ANKHD1: variants seen among roughly 807,000 people sequenced by gnomAD.
ANKHD1 encodes the protein ankyrin repeat and KH domain containing 1, also known as ankyrin repeat and KH domain-containing protein 1.
Under a neutral mutation model 230.5 loss-of-function variants are expected in ANKHD1, and 31 were observed. The ratio of observed to expected loss-of-function variants is 0.13; its 90% confidence interval spans 0.10 to 0.18. The LOEUF is 0.18. Among genes scored for constraint, ANKHD1 ranks in the 10% least tolerant of loss-of-function variants. ANKHD1 has a pLI of 1.00. For synonymous variants in ANKHD1, 1,074 were observed against 1,117.6 expected (o/e 0.96, Z 0.78); for missense variants, 2,256 against 3,071.3 (o/e 0.73, Z 6.27).
chr5:140,521,683 A>C (rs961921798), intron 24 of ANKHD1, among the ~76,000 whole-genome samples: 1 of 152,174 alleles, frequency 6.6e-6, no homozygotes, highest in East Asian at 1.9e-4. Context: ...ACCCATGTAA[A>C]GTTACATAAT....
chr5:140,458,160 A>AT (rs1329046421), intron 7 of ANKHD1, among the ~76,000 whole-genome samples: 1 of 152,072 alleles, frequency 6.6e-6, no homozygotes, highest in Non-Finnish European at 1.5e-5. Flanking sequence ...TTGTTGTGTT[A>AT]TTTTTTGCCA....
intron 1 of ANKHD1, among the ~76,000 whole-genome samples, chr5:140,403,526 C>G (rs1770165254): frequency 6.6e-6 from 1 of 152,118 alleles, no homozygotes; most frequent in African/African-American, 2.4e-5. Context: ...ATTCCCCTGC[C>G]TTAGCCTCCT....
chr5:140,506,514 A>C lies in ANKHD1; in HGVS notation c.3409-321A>C, dbSNP rs1354772732. ...TTGCCCTTAAAGCCAAATAAAAATT[A>C]TCTTAATCCTTACATTTATTCGGAT... On this transcript the variant is annotated intron_variant, in intron 18 of 33. Transcript: ENST00000360839. The surrounding 1 kb of genome is among the most constrained non-coding windows in gnomAD (Gnocchi z 4.7). 6.6e-6 allele frequency among the ~76,000 whole-genome samples: 1 copy of C among 152,250 alleles called. No homozygotes were observed. The highest frequency in any genetic ancestry group is 2.4e-5 in the African/African-American group (1 of 41,464).
intron 1 of ANKHD1, among the ~76,000 whole-genome samples, chr5:140,423,029 A>T (rs895122699): frequency 5.3e-5 from 8 of 151,404 alleles, no homozygotes; most frequent in Non-Finnish European, 1.2e-4. Context: ...TGCAGCTGGG[A>T]CTACAGGCAT....
chr5:140,538,325 G>T, intron 32 of ANKHD1, 64 bp downstream of exon 32: 1 of 1,575,074 alleles, frequency 6.3e-7, no homozygotes, highest in Non-Finnish European at 8.6e-7. Context: ...TCACATTAAG[G>T]AATACCTTGT....
In ANKHD1 at chr5:140,492,976, T is replaced by C. The variant is rs981720332; in HGVS notation, c.2246-3544T>C. ...ACTACATCATGGCTTCTAATACAGATTTTTTCTAGTTTTGTTAATGGAGGG... is the reference window on the plus strand; with the variant it reads ...ACTACATCATGGCTTCTAATACAGACTTTTTCTAGTTTTGTTAATGGAGGG... On this transcript the variant is annotated intron_variant, in intron 14 of 33. Transcript: ENST00000360839. 3.9e-5 allele frequency among the ~76,000 whole-genome samples: 6 copies of C among 152,128 alleles called. 1 individual carries two copies. The South Asian group carries it at 1.0e-3, about 26-fold the overall frequency.
At chr5:140,498,855 C>CTTT (rs5871738) in intron 15 of ANKHD1, among the ~76,000 whole-genome samples, 5 of 147,944 alleles carry the variant, frequency 3.4e-5, no homozygotes, top group Admixed American at 6.8e-5. Flanking sequence ...TATGTTAGAA[C>CTTT]TTTTTTTTTT....
chr5:140,422,910 C>A (rs910850726), intron 1 of ANKHD1, among the ~76,000 whole-genome samples: 2 of 151,434 alleles, frequency 1.3e-5, no homozygotes, highest in Non-Finnish European at 2.9e-5. Context: ...GGGTCTTGCT[C>A]TTTCGCCCAG....
intron 1 of ANKHD1, among the ~76,000 whole-genome samples, chr5:140,418,522 A>T (rs1002781066): frequency 6.6e-6 from 1 of 152,072 alleles, no homozygotes; most frequent in Non-Finnish European, 1.5e-5. Context: ...TCACTCCCAA[A>T]AGAAGCCGTG....
chr5:140,448,766 C>G (rs1774480011), intron 6 of ANKHD1, among the ~76,000 whole-genome samples: 2 of 152,162 alleles, frequency 1.3e-5, no homozygotes, highest in East Asian at 1.9e-4. Context: ...TTTATATATT[C>G]ACTGTATCAA....
At chr5:140,533,799 A>AC (rs1295672255) in intron 29 of ANKHD1, among the ~76,000 whole-genome samples, 77 of 149,086 alleles carry the variant, frequency 5.2e-4, no homozygotes, top group African/African-American at 1.8e-3. Flanking sequence ...AAAAAAAAAA[A>AC]CAAGAAGTTA....
chr5:140,529,331 C>T lies in ANKHD1; in HGVS notation c.6385C>T (p.Pro2129Ser), dbSNP rs1753719869. Reference protein sequence around the residue: ...DTSNLPQLAVPAPRVSHRMQP... With the variant: ...DTSNLPQLAVSAPRVSHRMQP... ...CAGTAATTTACCTCAGTTAGCTGTA[C>T]CAGCACCTCGAGTTTCTCATCGAAT... Residue 2129 changes from proline (P) to serine (S), a missense_variant, in exon 29 of 34, where the codon CCA (proline) becomes TCA (serine). By Grantham distance (74) the Pro-to-Ser change is moderately conservative (BLOSUM62 -1). Coordinates refer to ENST00000360839, the MANE Select transcript of ANKHD1 (RefSeq NM_017747.3). 6.2e-7 allele frequency: 1 copy of T among 1,614,210 alleles called. No individual in the cohort carries two copies. Among genetic ancestry groups the T allele is most frequent in the Non-Finnish European group, 8.5e-7 (1 of 1,180,038 alleles).
intron 10 of ANKHD1, among the ~76,000 whole-genome samples, chr5:140,479,530 A>G (rs1349605614): frequency 6.6e-6 from 1 of 151,936 alleles, no homozygotes; most frequent in African/African-American, 2.4e-5. Context: ...GATTACCATT[A>G]TATACATATA....
rs919535577 is a variant in ANKHD1, at chr5:140,462,015, G to T, written c.1673-2652G>T. Among the ~76,000 whole-genome samples, 6 of 151,976 alleles carry T rather than the reference G, an allele frequency of 3.9e-5. No homozygotes were observed. The South Asian group carries it at 8.3e-4, about 21-fold the overall frequency. On this transcript the variant is annotated intron_variant, in intron 9 of 33. Transcript: ENST00000360839. ...CTTATCTTTCTTCTTGCAATTTTTG[G>T]TTGAAGAAATAGAATGTTTTTCCAT...
chr5:140,428,460 C>A (rs2126891660), intron 1 of ANKHD1, among the ~76,000 whole-genome samples: 1 of 152,392 alleles, frequency 6.6e-6, no homozygotes, highest in East Asian at 1.9e-4. Context: ...ACAGCGAAAC[C>A]CTGCCTCCAC....
Position 140,526,369 on chromosome 5 carries a change from C to T in ANKHD1, c.4866C>T (p.Ser1622=). ...QELNFVMDVN[S]SKYPSLLLHS... ...TAAATTTTGTGATGGATGTGAATTC[C>T]TCTAAATACCCCTCACTGCTCCTTC... The change falls in exon 26 of 34, where the codon TCC becomes TCT. Residue 1622 remains serine, a synonymous_variant. Coordinates refer to ENST00000360839, the MANE Select transcript of ANKHD1 (RefSeq NM_017747.3). The T allele has an allele frequency of 1.2e-6, 2 of 1,614,148 alleles. No homozygotes were observed. The highest frequency in any genetic ancestry group is 1.3e-5 in the African/African-American group (1 of 75,028).
chr5:140,491,160 A>ATATATT (rs1282293062), intron 14 of ANKHD1, among the ~76,000 whole-genome samples: 41 of 45,656 alleles, frequency 9.0e-4, no homozygotes, highest in South Asian at 3.5e-3. Context: ...ATATATATAT[A>ATATATT]TTTTTTTTTT....
At chr5:140,459,089 A>G (rs766611527) in intron 8 of ANKHD1, 75 bp from the exon 9 acceptor site, 3 of 1,295,708 alleles carry the variant, frequency 2.3e-6, no homozygotes, top group Admixed American at 7.0e-5. Flanking sequence ...AGAGATGATT[A>G]TCACAATTCA....
intron 10 of ANKHD1, among the ~76,000 whole-genome samples, chr5:140,480,430 G>A (rs1285706239): frequency 6.6e-6 from 1 of 151,946 alleles, no homozygotes; most frequent in Non-Finnish European, 1.5e-5. Flanking sequence ...TGAAAGCTTT[G>A]AAATCATTTT....
Sources: gnomAD v4.1 joint callset for allele counts (sites outside exome capture counted in the v4.1 genomes callset) on GRCh38, gnomAD v4.1.1 for gene constraint, Gnocchi (gnomAD v3.1) non-coding constraint, MANE v1.5 for transcripts, NCBI Gene and HGNC (gene_info 2026-07-23, HGNC 2026-07-21) for gene names.